Variants in ZBTB20 observed in about 807,000 individuals in gnomAD.
ZBTB20 encodes the protein zinc finger and BTB domain containing 20.
ZBTB20 carries 9 observed loss-of-function variants against 56.9 expected under a neutral mutation model. The ratio of observed to expected loss-of-function variants is 0.16; its 90% CI spans 0.10 to 0.28. The LOEUF is 0.28. Ranked by LOEUF, ZBTB20 falls within the 10% of genes least tolerant of loss-of-function variation. ZBTB20 has a pLI of 1.00. For missense variants in ZBTB20, 655 were observed against 1,003.0 expected (o/e 0.65, Z 4.69); for synonymous variants, 417 against 420.7 (o/e 0.99, Z 0.11).
chr3:114,727,745 C>T (rs2065416109), intron 5 of ZBTB20, among the ~76,000 whole-genome samples: 1 of 152,080 alleles, frequency 6.6e-6, no homozygotes, highest in Non-Finnish European at 1.5e-5. Context: ...TTAAAATGTT[C>T]AAAACTCCAA....
At chr3:115,110,805 A>G (rs547140463) in intron 1 of ZBTB20, among the ~76,000 whole-genome samples, 1 of 152,186 alleles carries the variant, frequency 6.6e-6, no homozygotes, top group South Asian at 2.1e-4. Context: ...CCTGGCCAAC[A>G]TGGTAAAATG....
At chr3:114,992,153 G>C (rs2078844151) in intron 2 of ZBTB20, among the ~76,000 whole-genome samples, 1 of 151,726 alleles carries the variant, frequency 6.6e-6, no homozygotes, top group Non-Finnish European at 1.5e-5. Flanking sequence ...ACTGTATGAT[G>C]CTAACTGCTA....
At chr3:115,023,117 T>A (rs976122711) in intron 2 of ZBTB20, among the ~76,000 whole-genome samples, 1 of 150,870 alleles carries the variant, frequency 6.6e-6, no homozygotes, top group Non-Finnish European at 1.5e-5. Flanking sequence ...GAGGGAAGAA[T>A]TCATTTTAAC....
intron 7 of ZBTB20, among the ~76,000 whole-genome samples, chr3:114,393,283 A>AT (rs1198358966): frequency 1.3e-5 from 2 of 152,256 alleles, no homozygotes; most frequent in Non-Finnish European, 2.9e-5. Flanking sequence ...TCATAAAGGA[A>AT]ATCACTCATC....
chr3:114,913,697 GTAGTGTCA>G, intron 3 of ZBTB20, among the ~76,000 whole-genome samples: 1 of 151,060 alleles, frequency 6.6e-6, no homozygotes, highest in African/African-American at 2.4e-5. Flanking sequence ...TTTTTTTTCA[GTAGTGTCA>G]TAGTTTGAGG....
chr3:114,621,709 A>G (rs1377132277), intron 6 of ZBTB20, among the ~76,000 whole-genome samples: 2 of 152,186 alleles, frequency 1.3e-5, no homozygotes, highest in Non-Finnish European at 2.9e-5. Context: ...ACATTTCACA[A>G]CATGCATCCT....
intron 6 of ZBTB20, among the ~76,000 whole-genome samples, chr3:114,563,162 A>AT (rs2110299818): frequency 6.6e-6 from 1 of 152,318 alleles, no homozygotes. Flanking sequence ...TCCTATTTTC[A>AT]ATACAAAGAT....
intron 7 of ZBTB20, among the ~76,000 whole-genome samples, chr3:114,468,734 G>T (rs1303932879): frequency 6.6e-6 from 1 of 152,024 alleles, no homozygotes; most frequent in Non-Finnish European, 1.5e-5. Flanking sequence ...TTAATGAAAA[G>T]AAAATTTTGG....
chr3:114,789,960 C>T (rs2070815603), intron 5 of ZBTB20, among the ~76,000 whole-genome samples: 1 of 151,992 alleles, frequency 6.6e-6, no homozygotes, highest in South Asian at 2.1e-4. Context: ...TCTAAGTAAA[C>T]ATTTATCTTA....
intron 5 of ZBTB20, among the ~76,000 whole-genome samples, chr3:114,723,970 G>A (rs1343115849): frequency 6.6e-6 from 1 of 151,762 alleles, no homozygotes; most frequent in Non-Finnish European, 1.5e-5. Flanking sequence ...CCGGGTTCAC[G>A]CCATTCTCCT....
chr3:114,785,037 G>A (rs1256560050), intron 5 of ZBTB20, among the ~76,000 whole-genome samples: 13 of 152,178 alleles, frequency 8.5e-5, no homozygotes, highest in African/African-American at 3.1e-4. Context: ...ACGGGTGGAT[G>A]TAGGATTCAA....
At chr3:114,490,379 G>A (rs1317898478) in intron 7 of ZBTB20, among the ~76,000 whole-genome samples, 1 of 152,042 alleles carries the variant, frequency 6.6e-6, no homozygotes, top group Non-Finnish European at 1.5e-5. Context: ...CCGCCACTAT[G>A]CCCGGCTAAT....
intron 2 of ZBTB20, among the ~76,000 whole-genome samples, chr3:115,047,323 G>A (rs1474752244): frequency 1.3e-5 from 2 of 152,144 alleles, no homozygotes; most frequent in African/African-American, 4.8e-5. Context: ...CAAAGTTTGA[G>A]AAAAGACAAC....
intron 7 of ZBTB20, among the ~76,000 whole-genome samples, chr3:114,407,036 C>T (rs960640513): frequency 4.6e-5 from 7 of 152,152 alleles, no homozygotes; most frequent in African/African-American, 9.7e-5. Flanking sequence ...GTGGTGAGAA[C>T]TGGCCTCATC....
chr3:114,986,469 C>A (rs1306710661), intron 2 of ZBTB20, among the ~76,000 whole-genome samples: 2 of 152,054 alleles, frequency 1.3e-5, no homozygotes, highest in Non-Finnish European at 2.9e-5. Context: ...TTATAATAAA[C>A]TCATTTTTTT....
intron 2 of ZBTB20, among the ~76,000 whole-genome samples, chr3:115,026,934 T>C (rs1185265371): frequency 1.3e-5 from 2 of 150,918 alleles, no homozygotes; most frequent in East Asian, 3.9e-4. Context: ...TAAAATAAAC[T>C]TGTCATCAGA....
Position 115,049,730 on chromosome 3 carries a change from G to T in ZBTB20, c.-507+21489C>A, listed in dbSNP as rs187572634. 2.5e-3 allele frequency among the ~76,000 whole-genome samples: 386 copies of T among 152,152 alleles called. 2 individuals carry two copies. The highest frequency in any genetic ancestry group is 9.1e-3 in the African/African-American group (378 of 41,528). ...AGTCAATGTTATTTCTCAGAAGAAA[G>T]ACTCTCATATTATGGGCCACACTTC... On this transcript the variant is annotated intron_variant, in intron 2 of 11. Transcript: ENST00000675478.
intron 6 of ZBTB20, among the ~76,000 whole-genome samples, chr3:114,551,356 C>T (rs16822919): frequency 0.16 from 24,934 of 152,100 alleles, 2,256 homozygotes; most frequent in South Asian, 0.25. Flanking sequence ...GAGTTCATAC[C>T]TAGCAGAGGG....
At chr3:114,427,462 T>G (rs2089772138) in intron 7 of ZBTB20, among the ~76,000 whole-genome samples, 1 of 152,178 alleles carries the variant, frequency 6.6e-6, no homozygotes, top group African/African-American at 2.4e-5. Flanking sequence ...TTTCTCCCAT[T>G]CTAGATGGCT....
Sources: gnomAD v4.1 joint callset for allele counts (sites outside exome capture counted in the v4.1 genomes callset) on GRCh38, gnomAD v4.1.1 for gene constraint, MANE v1.5 for transcripts, NCBI Gene and HGNC (gene_info 2026-07-23, HGNC 2026-07-21) for gene names.